Variants in EIF4G3 observed in about 807,000 individuals in gnomAD.
The protein encoded by EIF4G3 is eIF-4-gamma 3.
A neutral mutation model predicts 186.4 loss-of-function variants in EIF4G3; 34 were observed. That is an observed-to-expected ratio of 0.18 (90% confidence interval 0.14 to 0.24). EIF4G3 has a LOEUF of 0.24. Ranked by LOEUF, EIF4G3 falls within the 10% of genes least tolerant of loss-of-function variation. The pLI is 1.00. For missense variants in EIF4G3, 1,536 were observed against 1,948.5 expected, an observed-to-expected ratio of 0.79 and a Z score of 3.99; for synonymous variants, 673 against 679.5, an observed-to-expected ratio of 0.99 and a Z score of 0.15.
intron 2 of EIF4G3, among the ~76,000 whole-genome samples, chr1:21,133,359 G>A (rs1017927062): frequency 6.6e-6 from 1 of 151,754 alleles, no homozygotes; most frequent in African/African-American, 2.4e-5. Flanking sequence ...GGAGTAGCTG[G>A]GACTACAGGC....
intron 3 of EIF4G3, among the ~76,000 whole-genome samples, chr1:21,081,840 G>A (rs994124043): frequency 7.3e-5 from 11 of 151,620 alleles, no homozygotes; most frequent in Admixed American, 6.6e-5. Flanking sequence ...GCGGTGTTTC[G>A]CCATGTTGGC....
At chr1:21,109,260 C>T (rs1301397077) in intron 2 of EIF4G3, among the ~76,000 whole-genome samples, 2 of 152,124 alleles carry the variant, frequency 1.3e-5, no homozygotes, top group East Asian at 3.8e-4. Context: ...TTGTTTCAGC[C>T]CTGCTCATGA....
At chr1:21,007,528 A>AC (rs200582515) in intron 4 of EIF4G3, among the ~76,000 whole-genome samples, 4,282 of 142,560 alleles carry the variant, frequency 0.03, 327 homozygotes, top group African/African-American at 0.1. Flanking sequence ...AAAAAAAAAA[A>AC]AAAAAAAAAC....
chr1:20,822,122 C>T (rs1361397648), intron 33 of EIF4G3, among the ~76,000 whole-genome samples: 2 of 152,060 alleles, frequency 1.3e-5, no homozygotes, highest in Non-Finnish European at 2.9e-5. Flanking sequence ...GTGATCCGCC[C>T]GCCTCGGCCT....
At chr1:21,115,780 G>A (rs957835687) in intron 2 of EIF4G3, among the ~76,000 whole-genome samples, 16 of 152,084 alleles carry the variant, frequency 1.1e-4, no homozygotes, top group Admixed American at 1.3e-4. Context: ...GCAATGGCAC[G>A]ATCACAGCTT....
intron 29 of EIF4G3, among the ~76,000 whole-genome samples, chr1:20,848,674 C>T (rs981621516): frequency 2.0e-5 from 3 of 152,212 alleles, no homozygotes; most frequent in African/African-American, 7.2e-5. Flanking sequence ...TTTCTTTATG[C>T]CTCAGTTTTA....
chr1:21,169,782 G>A (rs981636750), intron 2 of EIF4G3: 7 of 152,282 alleles, frequency 4.6e-5, no homozygotes, highest in African/African-American at 1.7e-4. Flanking sequence ...AATAATTTGA[G>A]GGCAGCTTTG....
At position 20,941,830 on chromosome 1, in the gene EIF4G3, C is replaced by G. The variant is rs751138956; in HGVS notation, c.1324G>C (p.Glu442Gln). 1 of 1,613,960 alleles carries G rather than the reference C, an allele frequency of 6.2e-7. No individual in the cohort carries two copies. The highest frequency in any genetic ancestry group is 2.2e-5 in the East Asian group (1 of 44,906). The change falls in exon 14 of 37, where the codon GAA (glutamate) becomes CAA (glutamine). Residue 442 changes from glutamate (E) to glutamine (Q), a missense_variant. Glu to Gln is a conservative substitution (Grantham distance 29). Around this residue, in one of 11 missense-constraint regions of EIF4G3, gnomAD observed 560 missense variants for 547.8 expected, o/e 1.02. Coordinates refer to ENST00000602326, the MANE Select transcript of EIF4G3 (RefSeq NM_001391906.1). ...GGGGGATTTTCGAGAATCTCCAATT[C>G]AAGAGTCAATGGCAATACTTCCTGT... is the stretch of plus-strand genomic sequence containing the variant. ...VKQEVLPLTL[E>Q]LEILENPPEE... is the part of the protein sequence containing the mutation.
chr1:20,849,484 T>C lies in EIF4G3; in HGVS notation c.3819A>G (p.Leu1273=), dbSNP rs1278756759. The C allele has an allele frequency of 1.9e-6, 3 of 1,572,930 alleles. No homozygotes were observed. The highest frequency in any genetic ancestry group is 2.6e-6 in the Non-Finnish European group (3 of 1,162,788). The part of the protein sequence containing the change: ...SAMSAHDKAA[L]SEEELERKSK... ...ACTTCCTCTCCAGTTCCTCTTCTGA[T>C]AATGCAGCCTTGTCATGAGCTGACA... Residue 1273 remains leucine (L), a synonymous_variant, in exon 29 of 37, where the codon TTA becomes TTG. Transcript: ENST00000602326.
chr1:21,098,540 GA>G lies in EIF4G3; in HGVS notation c.-271-9328del, dbSNP rs59544256. Reference sequence around the variant, plus strand: ...GGCAACCAGAGCGAGGCCCTGTCTCGAAAAAAAAAAAAAAAAAAAAAAAGAA... The same window carrying G: ...GGCAACCAGAGCGAGGCCCTGTCTCGAAAAAAAAAAAAAAAAAAAAAAGAA... On this transcript the variant is annotated intron_variant, in intron 2 of 36. Coordinates refer to ENST00000602326, the MANE Select transcript of EIF4G3 (RefSeq NM_001391906.1). Among the ~76,000 whole-genome samples, 629 of 72,650 alleles carry G rather than the reference GA, an allele frequency of 8.7e-3. 2 individuals are homozygous for G. The highest frequency in any genetic ancestry group is 0.017 in the South Asian group (24 of 1,424). The allele number at this position is 72,650 out of a possible 152,430, so 47.7% of individuals were successfully genotyped here. A position where few individuals can be genotyped will look rare whatever the true frequency, so the allele number is the denominator to read the frequency against.
intron 14 of EIF4G3, among the ~76,000 whole-genome samples, chr1:20,907,486 A>G (rs1026234608): frequency 2.0e-5 from 3 of 151,518 alleles, no homozygotes; most frequent in African/African-American, 7.3e-5. Flanking sequence ...GGTGTGCTGC[A>G]CCCATTAACT....
At chr1:20,876,208 G>C (rs1440951104) in intron 20 of EIF4G3, among the ~76,000 whole-genome samples, 3 of 125,384 alleles carry the variant, frequency 2.4e-5, no homozygotes, top group African/African-American at 8.8e-5. Context: ...GGGATATAGA[G>C]TGAGAGCCTG....
At chr1:21,171,242 T>C (rs1437338542) in intron 2 of EIF4G3, among the ~76,000 whole-genome samples, 1 of 152,172 alleles carries the variant, frequency 6.6e-6, no homozygotes, top group African/African-American at 2.4e-5. Context: ...ACTAGTTACT[T>C]TCCTATTATA....
intron 20 of EIF4G3, among the ~76,000 whole-genome samples, chr1:20,871,800 G>T (rs1392703085): frequency 6.6e-6 from 1 of 151,990 alleles, no homozygotes; most frequent in Non-Finnish European, 1.5e-5. Flanking sequence ...AAAAGCAATT[G>T]GGTAGACTCC....
At chr1:20,814,981 T>C (rs1232753667) in intron 34 of EIF4G3, among the ~76,000 whole-genome samples, 33 of 75,394 alleles carry the variant, frequency 4.4e-4, no homozygotes, top group African/African-American at 1.5e-3. Context: ...GACTGGGTTT[T>C]GCTGTGTTGG....
intron 14 of EIF4G3, among the ~76,000 whole-genome samples, chr1:20,916,696 G>A (rs574197743): frequency 3.9e-5 from 6 of 152,092 alleles, no homozygotes; most frequent in South Asian, 4.2e-4. Flanking sequence ...CTTAATACTC[G>A]GATTTTAAGA....
At chr1:20,854,086 TTAG>T (rs2074150851) in intron 26 of EIF4G3, among the ~76,000 whole-genome samples, 1 of 152,210 alleles carries the variant, frequency 6.6e-6, no homozygotes. Flanking sequence ...TTGAAATTAC[TTAG>T]TAGAAGGGAC....
intron 34 of EIF4G3, among the ~76,000 whole-genome samples, chr1:20,816,274 T>G (rs1427376537): frequency 3.2e-4 from 2 of 6,262 alleles, no homozygotes; most frequent in Non-Finnish European, 5.7e-4. Flanking sequence ...GGGAGGGAGG[T>G]GGGGAGGTCA....
intron 14 of EIF4G3, among the ~76,000 whole-genome samples, chr1:20,932,525 T>C (rs1025705463): frequency 6.6e-6 from 1 of 152,138 alleles, no homozygotes; most frequent in Non-Finnish European, 1.5e-5. Context: ...CGTATGACTC[T>C]TCCTTTCACT....
Sources: allele counts gnomAD v4.1 joint callset (sites outside exome capture counted in the v4.1 genomes callset), GRCh38; gene constraint gnomAD v4.1.1; regional missense constraint gnomAD v4.1.1; transcripts MANE v1.5; gene names NCBI Gene and HGNC (gene_info 2026-07-23, HGNC 2026-07-21).